The following HEMK2 variants were observed in gnomAD, a reference collection of about 807,000 sequenced individuals.
The protein encoded by HEMK2 is methyltransferase HEMK2.
chr21:28,871,902 C>A, the HEMK2 span, among the ~76,000 whole-genome samples: 1 of 150,298 alleles, frequency 6.7e-6, no homozygotes, highest in African/African-American at 2.4e-5. Context: ...GTCTCTGTTT[C>A]TGTGTTCAGA....
chr21:28,837,695 G>A, the HEMK2 span, among the ~76,000 whole-genome samples: 1 of 152,012 alleles, frequency 6.6e-6, no homozygotes, highest in East Asian at 1.9e-4. Flanking sequence ...ACCAAGATCA[G>A]AGCAGAACTA....
the HEMK2 span, among the ~76,000 whole-genome samples, chr21:28,601,604 ATCTCTCTCTCTC>A: frequency 8.4e-3 from 1,059 of 126,770 alleles, 38 homozygotes; most frequent in Admixed American, 0.076. Flanking sequence ...ACCTTCTGAC[ATCTCTCTCTCTC>A]TCTCTCTCTC....
chr21:28,847,008 T>G, the HEMK2 span, among the ~76,000 whole-genome samples: 39,348 of 152,098 alleles, frequency 0.26, 5,852 homozygotes, highest in African/African-American at 0.4. Context: ...GGTATATATG[T>G]ACCATATTTT....
the HEMK2 span, among the ~76,000 whole-genome samples, chr21:28,641,623 A>C: frequency 6.6e-6 from 1 of 152,346 alleles, no homozygotes; most frequent in South Asian, 2.1e-4. Flanking sequence ...TAAAGACTGG[A>C]CACCCAGCAA....
chr21:28,588,931 A>C, the HEMK2 span, among the ~76,000 whole-genome samples: 3 of 150,286 alleles, frequency 2.0e-5, no homozygotes, highest in Non-Finnish European at 3.0e-5. Flanking sequence ...TGCAGTGAGC[A>C]GATATCACGC....
chr21:28,814,605 A>G, the HEMK2 span, among the ~76,000 whole-genome samples: 4 of 152,150 alleles, frequency 2.6e-5, no homozygotes, highest in East Asian at 5.8e-4. Context: ...GAAGACATTT[A>G]TGCAGCCAAA....
At chr21:28,765,557 A>G in the HEMK2 span, among the ~76,000 whole-genome samples, 2 of 152,126 alleles carry the variant, frequency 1.3e-5, no homozygotes, top group Middle Eastern at 3.2e-3. Context: ...AAACCAATAA[A>G]CCATGTGGTT....
chr21:28,841,764 CT>C, the HEMK2 span, among the ~76,000 whole-genome samples: 1 of 151,700 alleles, frequency 6.6e-6, no homozygotes, highest in African/African-American at 2.4e-5. Context: ...CACTAAAGAA[CT>C]TACTCATGTA....
the HEMK2 span, among the ~76,000 whole-genome samples, chr21:28,742,003 G>T: frequency 6.6e-5 from 10 of 152,226 alleles, no homozygotes; most frequent in South Asian, 8.3e-4. Flanking sequence ...TTCTTTACAG[G>T]GAAAGCAAGC....
At chr21:28,621,569 A>G in the HEMK2 span, among the ~76,000 whole-genome samples, 1 of 152,132 alleles carries the variant, frequency 6.6e-6, no homozygotes, top group Non-Finnish European at 1.5e-5. Context: ...CCAAAAAAGG[A>G]GTCAGCAAAG....
the HEMK2 span, among the ~76,000 whole-genome samples, chr21:28,738,191 C>T: frequency 1.3e-5 from 2 of 152,332 alleles, no homozygotes; most frequent in South Asian, 4.1e-4. Context: ...ACACTTTGAA[C>T]TTTCTTTCTC....
chr21:28,587,215 C>G, the HEMK2 span, among the ~76,000 whole-genome samples: 1 of 151,506 alleles, frequency 6.6e-6, no homozygotes, highest in African/African-American at 2.4e-5. Context: ...CTCTATGATC[C>G]CACAATGCTT....
chr21:28,707,824 A>G, the HEMK2 span, among the ~76,000 whole-genome samples: 1 of 152,208 alleles, frequency 6.6e-6, no homozygotes, highest in Non-Finnish European at 1.5e-5. Flanking sequence ...AACAAAGGGT[A>G]TATGTATATC....
At chr21:28,767,196 C>T in the HEMK2 span, among the ~76,000 whole-genome samples, 1 of 152,006 alleles carries the variant, frequency 6.6e-6, no homozygotes, top group Non-Finnish European at 1.5e-5. Context: ...CTCCTCCTTG[C>T]TTTCCACCAT....
the HEMK2 span, among the ~76,000 whole-genome samples, chr21:28,829,900 A>G: frequency 6.6e-6 from 1 of 152,178 alleles, no homozygotes; most frequent in Non-Finnish European, 1.5e-5. Context: ...TGTCCTGTTC[A>G]TTTGGAGAAA....
the HEMK2 span, among the ~76,000 whole-genome samples, chr21:28,665,341 T>C: frequency 1.0e-5 from 1 of 96,452 alleles, no homozygotes; most frequent in Non-Finnish European, 1.9e-5. Flanking sequence ...TTTCTTTTTT[T>C]TTTTTTTTTT....
At chr21:28,605,557 T>G in the HEMK2 span, among the ~76,000 whole-genome samples, 1 of 152,200 alleles carries the variant, frequency 6.6e-6, no homozygotes, top group African/African-American at 2.4e-5. Context: ...TCTTTAAACA[T>G]GACTGAATCC....
the HEMK2 span, among the ~76,000 whole-genome samples, chr21:28,602,544 C>T: frequency 2.0e-5 from 3 of 152,162 alleles, no homozygotes; most frequent in African/African-American, 7.2e-5. Flanking sequence ...TGCTCCCATG[C>T]TGTCTTCACT....
At chr21:28,696,388 C>A in the HEMK2 span, among the ~76,000 whole-genome samples, 1 of 152,204 alleles carries the variant, frequency 6.6e-6, no homozygotes, top group Non-Finnish European at 1.5e-5. Flanking sequence ...ACAGGGCAGT[C>A]TTTAAACCTT....
Sources: gnomAD v4.1 joint callset for allele counts (sites outside exome capture counted in the v4.1 genomes callset) on GRCh38, gnomAD v4.1.1 for gene constraint, MANE v1.5 for transcripts, NCBI Gene and HGNC (gene_info 2026-07-23, HGNC 2026-07-21) for gene names.